The following GRID1 variants were observed in gnomAD, a reference collection of about 807,000 sequenced individuals.
GRID1 encodes glutamate receptor ionotropic, delta-1.
Under a neutral mutation model 98.0 loss-of-function variants are expected in GRID1, and 28 were observed. The observed-to-expected ratio is 0.29, with a 90% CI of 0.21 to 0.39. The LOEUF is 0.39. GRID1 is among the 10% of genes least tolerant of loss of function. The pLI is 1.00. For synonymous variants in GRID1, 553 were observed against 538.5 expected (o/e 1.03, Z -0.37); for missense variants, 1,111 against 1,340.5 (o/e 0.83, Z 2.67).
chr10:86,294,463 C>A (rs980325926), intron 2 of GRID1, among the ~76,000 whole-genome samples: 1 of 152,148 alleles, frequency 6.6e-6, no homozygotes, highest in African/African-American at 2.4e-5. Flanking sequence ...TTCCAAGAAT[C>A]CAGGGGAGAG....
intron 2 of GRID1, among the ~76,000 whole-genome samples, chr10:86,223,234 T>C (rs12573045): frequency 0.29 from 43,351 of 152,078 alleles, 7,005 homozygotes; most frequent in Non-Finnish European, 0.38. Flanking sequence ...GCTCTGGTGC[T>C]CAGCTCCAGC....
chr10:85,857,741 T>C (rs981521198), intron 6 of GRID1, among the ~76,000 whole-genome samples: 8 of 151,936 alleles, frequency 5.3e-5, no homozygotes, highest in Non-Finnish European at 1.2e-4. Flanking sequence ...AAATAGGAGA[T>C]CATGTCAGCC....
At chr10:85,959,844 T>A (rs995757821) in intron 4 of GRID1, among the ~76,000 whole-genome samples, 1 of 152,184 alleles carries the variant, frequency 6.6e-6, no homozygotes, top group Admixed American at 6.5e-5. Context: ...AACATTCATG[T>A]CCAAGTCATT....
chr10:85,613,383 G>A (rs1246027532), intron 15 of GRID1, 24 bp downstream of exon 15: 2 of 1,599,764 alleles, frequency 1.3e-6, no homozygotes. Flanking sequence ...CTGTGAAAGG[G>A]AGGGCAGGCC....
intron 4 of GRID1, among the ~76,000 whole-genome samples, chr10:85,973,464 C>A (rs956198170): frequency 6.6e-6 from 1 of 152,056 alleles, no homozygotes; most frequent in Non-Finnish European, 1.5e-5. Flanking sequence ...TTTATCTTCT[C>A]TTATTTTATG....
At chr10:86,129,293 T>C (rs1844800532) in intron 4 of GRID1, among the ~76,000 whole-genome samples, 1 of 152,204 alleles carries the variant, frequency 6.6e-6, no homozygotes, top group Non-Finnish European at 1.5e-5. Flanking sequence ...TCACCTAGTC[T>C]GCTCTGTGTC....
At chr10:85,663,437 T>A (rs1840987820) in intron 12 of GRID1, among the ~76,000 whole-genome samples, 1 of 152,082 alleles carries the variant, frequency 6.6e-6, no homozygotes, top group African/African-American at 2.4e-5. Flanking sequence ...TCAGAAGAAA[T>A]CAGCTCTGCC....
At chr10:86,050,444 C>A (rs1843485528) in intron 4 of GRID1, among the ~76,000 whole-genome samples, 1 of 152,118 alleles carries the variant, frequency 6.6e-6, no homozygotes, top group Admixed American at 6.5e-5. Flanking sequence ...CTCTGAAAAA[C>A]ACATGAAGAA....
intron 4 of GRID1, among the ~76,000 whole-genome samples, chr10:85,947,678 C>T (rs868453233): frequency 1.3e-5 from 2 of 152,146 alleles, no homozygotes; most frequent in Non-Finnish European, 2.9e-5. Flanking sequence ...AAAAATGCTT[C>T]GTAAAGAAGA....
chr10:86,190,178 G>C lies in GRID1; in HGVS notation c.520+16186C>G, dbSNP rs144372306. 3.0e-4 allele frequency among the ~76,000 whole-genome samples: 46 copies of C among 152,300 alleles called. No homozygotes were observed. In the East Asian group the frequency reaches 8.7e-3, roughly 29 times the overall value. On this transcript the variant is annotated intron_variant, in intron 3 of 15. Transcript: ENST00000327946. ...CAAGCAGGTCACAAACACTATGTGAGTGGGACACATGGTGTGATCCTAACC... is the reference window on the plus strand; with the variant it reads ...CAAGCAGGTCACAAACACTATGTGACTGGGACACATGGTGTGATCCTAACC...
intron 4 of GRID1, among the ~76,000 whole-genome samples, chr10:85,924,364 C>A (rs1415725299): frequency 2.0e-5 from 3 of 152,162 alleles, no homozygotes; most frequent in Non-Finnish European, 2.9e-5. Flanking sequence ...GCAATTAACA[C>A]CCCCTTTCTA....
intron 3 of GRID1, among the ~76,000 whole-genome samples, chr10:86,201,790 A>C (rs1216986305): frequency 6.6e-6 from 1 of 152,108 alleles, no homozygotes; most frequent in East Asian, 1.9e-4. Flanking sequence ...TAAAATTTCC[A>C]TGCTTAGATA....
chr10:85,656,771 T>C (rs1243533825), intron 12 of GRID1, among the ~76,000 whole-genome samples: 1 of 152,200 alleles, frequency 6.6e-6, no homozygotes, highest in East Asian at 1.9e-4. Flanking sequence ...ATCAGATCAC[T>C]TATCATGACC....
rs1485634395 is a variant in GRID1, at chr10:85,869,074, C to T, written c.887G>A (p.Arg296Lys). 6.2e-7 allele frequency: 1 copy of T among 1,613,956 alleles called. No individual in the cohort carries two copies. Among genetic ancestry groups the T allele is most frequent in the African/African-American group, 1.3e-5 (1 of 74,902 alleles). Reference sequence around the variant, plus strand: ...CAGGGAGGAGATGCGGTGGTTGTTCCTCGTGCATTTCTGATTGTCCTTTGC... The same window carrying T: ...CAGGGAGGAGATGCGGTGGTTGTTCTTCGTGCATTTCTGATTGTCCTTTGC... ...PSAKDNQKCT[R>K]NNHRISSLLC... Residue 296 changes from arginine to lysine, a missense_variant, in exon 6 of 16, where the codon AGG (arginine) becomes AAG (lysine). By Grantham distance (26) the Arg-to-Lys change is conservative. This residue lies in a region of GRID1 where 346 missense variants were observed against 452.3 expected (regional missense o/e 0.76). Transcript: ENST00000327946.
intron 3 of GRID1, among the ~76,000 whole-genome samples, chr10:86,147,395 G>A (rs765659122): frequency 3.9e-5 from 6 of 152,172 alleles, no homozygotes; most frequent in Admixed American, 2.0e-4. Context: ...ACAATCCTAA[G>A]CAAAAAGAAC....
At chr10:85,934,626 T>C (rs1223750341) in intron 4 of GRID1, among the ~76,000 whole-genome samples, 2 of 152,176 alleles carry the variant, frequency 1.3e-5, no homozygotes, top group East Asian at 1.9e-4. Flanking sequence ...AGTACAAATA[T>C]GATGAAAAGT....
chr10:85,661,502 T>C (rs1401515806), intron 12 of GRID1, among the ~76,000 whole-genome samples: 1 of 152,190 alleles, frequency 6.6e-6, no homozygotes, highest in African/African-American at 2.4e-5. Flanking sequence ...AGGGAGGATC[T>C]CACAGAGAAC....
intron 3 of GRID1, among the ~76,000 whole-genome samples, chr10:86,199,815 G>T (rs1297796087): frequency 1.3e-5 from 2 of 152,098 alleles, no homozygotes; most frequent in African/African-American, 2.4e-5. Flanking sequence ...CCTTTTGTTT[G>T]CAGAGAATGA....
chr10:86,012,515 T>C (rs1842933086), intron 4 of GRID1, among the ~76,000 whole-genome samples: 1 of 152,164 alleles, frequency 6.6e-6, no homozygotes, highest in African/African-American at 2.4e-5. Flanking sequence ...CAATTAAGTA[T>C]CATGAATACT....
Sources: allele counts gnomAD v4.1 joint callset (sites outside exome capture counted in the v4.1 genomes callset), GRCh38; gene constraint gnomAD v4.1.1; regional missense constraint gnomAD v4.1.1; transcripts MANE v1.5; gene names NCBI Gene and HGNC (gene_info 2026-07-23, HGNC 2026-07-21).